Variants in PCDHGA2 observed in about 807,000 individuals in gnomAD.
PCDHGA2 encodes the protein protocadherin gamma subfamily A, 2, also known as protocadherin gamma-A2.
Under a neutral mutation model 59.2 loss-of-function variants are expected in PCDHGA2, and 40 were observed. That is an observed-to-expected ratio of 0.68 (90% CI 0.52 to 0.88). The LOEUF (loss-of-function observed/expected upper bound fraction) is 0.88, where lower values mean the gene tolerates loss of function less well. PCDHGA2 is among the 40% of genes least tolerant of loss of function. The probability of loss-of-function intolerance (pLI) is 0.00; values close to 1 mark genes in which losing one functional copy is unlikely to be tolerated. For missense variants in PCDHGA2, 1,226 were observed against 1,204.0 expected, an observed-to-expected ratio of 1.02 and a Z score of -0.27; for synonymous variants, 560 against 526.0, an observed-to-expected ratio of 1.06 and a Z score of -0.89.
Position 141,511,508 on chromosome 5 carries a change from C to T in PCDHGA2, c.*335C>T, listed in dbSNP as rs1339517659. 7.8e-6 allele frequency: 3 copies of T among 385,970 alleles called. No individual in the cohort carries two copies. Among genetic ancestry groups the T allele is most frequent in the Non-Finnish European group, 1.5e-5 (3 of 206,164 alleles). The allele number at this position is 385,970 out of a possible 1,614,324, so 23.9% of individuals were successfully genotyped here. Reference sequence around the variant, plus strand: ...TCCTCCATCTTCCAAATCAATCAGGCCCATCCATCCCATGCCTCCCTCCTC... The same window carrying T: ...TCCTCCATCTTCCAAATCAATCAGGTCCATCCATCCCATGCCTCCCTCCTC... On this transcript the variant is annotated 3_prime_UTR_variant, in exon 4 of 4. Coordinates refer to ENST00000394576, the MANE Select transcript of PCDHGA2 (RefSeq NM_018915.4).
chr5:141,358,749 T>C (rs1761008205), intron 1 of PCDHGA2, among the ~76,000 whole-genome samples: 1 of 152,256 alleles, frequency 6.6e-6, no homozygotes. Context: ...TCTTTTCTCT[T>C]GTCATCATGT....
At chr5:141,470,383 G>A (rs569789033) in intron 1 of PCDHGA2, among the ~76,000 whole-genome samples, 7 of 152,246 alleles carry the variant, frequency 4.6e-5, no homozygotes, top group South Asian at 2.1e-4. Context: ...AAGACTACTC[G>A]ATGATATTTA....
At chr5:141,355,104 G>C (rs1304970044) in intron 1 of PCDHGA2, 1 of 1,504,756 alleles carries the variant, frequency 6.6e-7, no homozygotes, top group African/African-American at 1.4e-5. Flanking sequence ...AGCTCTGGCT[G>C]TGAATGCACT....
rs757761874 is a variant in PCDHGA2 at position 141,375,430 on chromosome 5, G to A, written c.2424+34035G>A. 34 of 1,613,728 alleles carry A rather than the reference G, an allele frequency of 2.1e-5. No individual in the cohort carries two copies. The Admixed American group carries it at 5.2e-4, about 25-fold the overall frequency. ...ATGTGGCAGACACCAACGACAACCC[G>A]CCCACCTTCCCCCATTCATCCTACT... On this transcript the variant is annotated intron_variant, in intron 1 of 3. Transcript: ENST00000394576.
At chr5:141,510,366 T>A (rs1452829030) in intron 3 of PCDHGA2, among the ~76,000 whole-genome samples, 1 of 140,062 alleles carries the variant, frequency 7.1e-6, no homozygotes, top group Non-Finnish European at 1.6e-5. Context: ...AACTACCGAA[T>A]CTCTACTCGT....
intron 1 of PCDHGA2, chr5:141,405,534 C>T: frequency 3.1e-6 from 2 of 648,486 alleles, no homozygotes; most frequent in Non-Finnish European, 5.3e-6. Flanking sequence ...ATTCTCCTGC[C>T]TCAGCCTCCC....
chr5:141,492,359 C>A (rs1292383129), intron 1 of PCDHGA2, among the ~76,000 whole-genome samples: 3 of 152,336 alleles, frequency 2.0e-5, no homozygotes, highest in African/African-American at 7.2e-5. Flanking sequence ...GCCACTCGCT[C>A]GCGGCCAGAT....
chr5:141,506,277 T>C (rs905595521), intron 3 of PCDHGA2, among the ~76,000 whole-genome samples: 1 of 152,050 alleles, frequency 6.6e-6, no homozygotes. Flanking sequence ...AGTGAAACCC[T>C]GTCTCTACTA....
At position 141,511,262 on chromosome 5, in the gene PCDHGA2, G is replaced by A; in HGVS notation, c.*89G>A. 1 of 1,556,036 alleles carries A rather than the reference G, an allele frequency of 6.4e-7. No individual in the cohort carries two copies. The highest frequency in any genetic ancestry group is 8.7e-7 in the Non-Finnish European group (1 of 1,150,444). On this transcript the variant is annotated 3_prime_UTR_variant, in exon 4 of 4. Transcript: ENST00000394576. ...TGCACCCAGGCCTCAGAGTTTCAGG[G>A]CTAACCCCCAGAATACTGGTAGGGG...
At chr5:141,385,188 T>A (rs1352073072) in intron 1 of PCDHGA2, 2 of 1,614,080 alleles carry the variant, frequency 1.2e-6, no homozygotes, top group African/African-American at 1.3e-5. Flanking sequence ...CCGCGGACTC[T>A]CGGAAGAGTC....
chr5:141,379,993 G>A (rs922146667), intron 1 of PCDHGA2, among the ~76,000 whole-genome samples: 21 of 143,096 alleles, frequency 1.5e-4, no homozygotes, highest in Middle Eastern at 3.8e-3. Context: ...TCCTCCTCCT[G>A]GGTTCAAGCG....
chr5:141,502,282 C>A (rs187281689), intron 2 of PCDHGA2, among the ~76,000 whole-genome samples: 1 of 151,848 alleles, frequency 6.6e-6, no homozygotes, highest in Non-Finnish European at 1.5e-5. Flanking sequence ...GCATAGATTG[C>A]ATTTGGTTGT....
chr5:141,356,010 T>A lies in PCDHGA2; in HGVS notation c.2424+14615T>A. On this transcript the variant is annotated intron_variant, in intron 1 of 3. Transcript: ENST00000394576. ...TCACCGTAAAAGCCACTGATCCAGA[T>A]GAAGGAGCCAATGGAGACGTGACGT... is the stretch of plus-strand genomic sequence containing the variant. 1.2e-6 allele frequency: 2 copies of A among 1,613,914 alleles called. No individual in the cohort carries two copies. The highest frequency in any genetic ancestry group is 1.7e-6 in the Non-Finnish European group (2 of 1,179,894).
Position 141,491,648 on chromosome 5 carries a change from T to A in PCDHGA2, c.2425-3159T>A. 6.2e-7 allele frequency: 1 copy of A among 1,613,834 alleles called. No individual in the cohort carries two copies. Among genetic ancestry groups the A allele is most frequent in the Non-Finnish European group, 8.5e-7 (1 of 1,180,002 alleles). ...GTTCAGCAGCCCACAGCTCTGGCGC[T>A]GGAGCCTGACGCCATCCGGTCCCGC... On this transcript the variant is annotated intron_variant, in intron 1 of 3. Transcript: ENST00000394576. This position sits in a 1 kb window ranked among gnomAD's most constrained non-coding sequence, Gnocchi z 6.9.
At chr5:141,504,643 G>A (rs1049421626) in intron 2 of PCDHGA2, among the ~76,000 whole-genome samples, 3 of 124,276 alleles carry the variant, frequency 2.4e-5, no homozygotes, top group African/African-American at 9.0e-5. Flanking sequence ...AAGGTTTGAT[G>A]ATAGAGTGTT....
chr5:141,495,109 C>A (rs1445945970), intron 2 of PCDHGA2, among the ~76,000 whole-genome samples: 3 of 152,278 alleles, frequency 2.0e-5, no homozygotes, highest in South Asian at 2.1e-4. Context: ...CGACCGGCAC[C>A]TTTTCCTATC....
At position 141,404,691 on chromosome 5, in the gene PCDHGA2, G is replaced by T. The variant is rs200601931; in HGVS notation, c.2424+63296G>T. ...TCTACTGGTGTGGAGCTGGCACCCC[G>T]CTCTGCAGAGCCTGGCTACCTGGTG... On this transcript the variant is annotated intron_variant, in intron 1 of 3. Transcript: ENST00000394576. 28 of 1,613,996 alleles carry T rather than the reference G, an allele frequency of 1.7e-5. No individual in the cohort carries two copies. The highest frequency in any genetic ancestry group is 1.6e-4 in the Middle Eastern group (1 of 6,062).
chr5:141,398,980 G>A (rs772840804), intron 1 of PCDHGA2: 3 of 1,613,860 alleles, frequency 1.9e-6, no homozygotes, highest in South Asian at 2.2e-5. Flanking sequence ...CTACAGAACC[G>A]GGCAAATCTT....
chr5:141,487,616 G>A lies in PCDHGA2; in HGVS notation c.2425-7191G>A. On this transcript the variant is annotated intron_variant, in intron 1 of 3. Transcript: ENST00000394576. This position sits in a 1 kb window ranked among gnomAD's most constrained non-coding sequence, Gnocchi z 5.0. ...CTCTGATCTTCTCTATGGGCTAGAG[G>A]TGAGACCTTTGCAGGCTCAACAAAT... 2 of 1,614,220 alleles carry A rather than the reference G, an allele frequency of 1.2e-6. No homozygotes were observed. The highest frequency in any genetic ancestry group is 1.7e-6 in the Non-Finnish European group (2 of 1,180,044).
Sources: allele counts gnomAD v4.1 joint callset (sites outside exome capture counted in the v4.1 genomes callset), GRCh38; gene constraint gnomAD v4.1.1; non-coding constraint Gnocchi (gnomAD v3.1); transcripts MANE v1.5; gene names NCBI Gene and HGNC (gene_info 2026-07-23, HGNC 2026-07-21).